The following MARF1 variants were observed in gnomAD, a reference collection of about 807,000 sequenced individuals.
The protein encoded by MARF1 is meiosis regulator and mRNA stability factor 1.
In MARF1, 24 loss-of-function variants were observed where a neutral mutation model predicts 168.2. That is an observed-to-expected ratio of 0.14 (90% CI 0.10 to 0.20). The LOEUF is 0.20. MARF1 is among the 10% of genes least tolerant of loss of function. The pLI, the probability that MARF1 is intolerant of heterozygous loss-of-function variation, is 1.00. For synonymous variants in MARF1, 868 were observed against 822.4 expected, an observed-to-expected ratio of 1.06 and a Z score of -0.95; for missense variants, 1,744 against 2,143.6, an observed-to-expected ratio of 0.81 and a Z score of 3.68.
At chr16:15,604,528 T>C (rs1045062243) in intron 21 of MARF1, 130 bp from the exon 22 acceptor site, 2 of 643,104 alleles carry the variant, frequency 3.1e-6, no homozygotes, top group African/African-American at 1.8e-5. Flanking sequence ...TCTCTTACAC[T>C]GAAATAAAGC....
At chr16:15,635,631 A>G (rs1287829820) in intron 3 of MARF1, 25 bp downstream of exon 3, 4 of 1,597,768 alleles carry the variant, frequency 2.5e-6, no homozygotes, top group East Asian at 4.5e-5. Context: ...GCTGCACCCA[A>G]CTTAAGAAAT....
In MARF1 at chr16:15,639,201, G is replaced by C. The variant is rs1042045055; in HGVS notation, c.33C>G (p.Cys11Trp). 25 of 1,614,052 alleles carry C rather than the reference G, an allele frequency of 1.5e-5. 1 individual carries two copies. Among genetic ancestry groups the C allele is most frequent in the Non-Finnish European group, 2.1e-5 (25 of 1,179,980 alleles). MMEGNGTENS[C>W]SRTRGWLQQD... ...GTTGAAGCCATCCACGTGTTCTACT[G>C]CAGGAGTTCTCAGTTCCGTTTCCTT... The change falls in exon 2 of 27, where the codon TGC becomes TGG. Residue 11 changes from cysteine (C) to tryptophan (W), a missense_variant. Coordinates refer to ENST00000396368, the MANE Select transcript of MARF1 (RefSeq NM_014647.4).
intron 21 of MARF1, chr16:15,606,093 A>C (rs1207395481): frequency 6.6e-6 from 1 of 152,262 alleles, no homozygotes; most frequent in Non-Finnish European, 1.5e-5. Flanking sequence ...AAACCTCCTG[A>C]GCATCCCACT....
intron 5 of MARF1, 126 bp from the exon 6 acceptor site, chr16:15,631,624 C>A: frequency 1.9e-6 from 1 of 539,726 alleles, no homozygotes; most frequent in Non-Finnish European, 3.2e-6. Flanking sequence ...ATGTGCAGAA[C>A]GTGCAGGTTT....
chr16:15,617,267 G>T, intron 14 of MARF1, 32 bp downstream of exon 14: 2 of 1,610,214 alleles, frequency 1.2e-6, no homozygotes, highest in Non-Finnish European at 1.7e-6. Flanking sequence ...TTATAGAAAA[G>T]AATTACTTCT....
At chr16:15,603,971 G>A (rs2032773363) in intron 22 of MARF1, among the ~76,000 whole-genome samples, 197 bp downstream of exon 22, 1 of 152,112 alleles carries the variant, frequency 6.6e-6, no homozygotes, top group South Asian at 2.1e-4. Flanking sequence ...AGGATGAGGA[G>A]ACCAGGCTTT....
chr16:15,599,635 A>G (rs538879672), intron 25 of MARF1, among the ~76,000 whole-genome samples: 10 of 152,340 alleles, frequency 6.6e-5, no homozygotes, highest in African/African-American at 1.4e-4. Flanking sequence ...ATTCTCACCT[A>G]TAACGATGAA....
chr16:15,624,628 G>T lies in MARF1; in HGVS notation c.2270+141C>A, dbSNP rs1274925861. On this transcript the variant is annotated intron_variant, in intron 10 of 26. Transcript: ENST00000396368. ...TAAATGTTAACGATGATTACCTGAG[G>T]AGAGGGGGACTGGCAGAAGAGTGAT... 7 of 747,222 alleles carry T rather than the reference G, an allele frequency of 9.4e-6. No individual in the cohort carries two copies. In the East Asian group the frequency reaches 1.2e-4, roughly 13 times the overall value. 46.3% of individuals were successfully genotyped at this position (747,222 alleles called of 1,614,324 possible).
intron 7 of MARF1, among the ~76,000 whole-genome samples, chr16:15,626,394 T>C (rs1295564019): frequency 6.6e-6 from 1 of 152,186 alleles, no homozygotes; most frequent in Non-Finnish European, 1.5e-5. Context: ...CTCAACGAAG[T>C]TGTTTTTTAA....
intron 7 of MARF1, among the ~76,000 whole-genome samples, chr16:15,628,031 G>C (rs553160596): frequency 6.6e-6 from 1 of 152,084 alleles, no homozygotes; most frequent in Non-Finnish European, 1.5e-5. Flanking sequence ...GCTGGAAATG[G>C]TAAAAAACAA....
chr16:15,607,251 A>G (rs2033096168), intron 21 of MARF1, among the ~76,000 whole-genome samples: 1 of 152,108 alleles, frequency 6.6e-6, no homozygotes, highest in Non-Finnish European at 1.5e-5. Flanking sequence ...AGTCCAATAC[A>G]TTAAAAAACA....
intron 11 of MARF1, among the ~76,000 whole-genome samples, chr16:15,622,623 T>C (rs1370484942): frequency 6.6e-6 from 1 of 152,184 alleles, no homozygotes; most frequent in Non-Finnish European, 1.5e-5. Flanking sequence ...CCTCAGGTGA[T>C]CTGGCCGCCT....
rs963634988 is a variant in MARF1, at chr16:15,595,682, C to T, written c.*1011G>A. The T allele has an allele frequency of 6.6e-6, 1 of 152,210 alleles. No homozygotes were observed. The highest frequency in any genetic ancestry group is 1.5e-5 in the Non-Finnish European group (1 of 68,038). The allele number at this position is 152,210 out of a possible 1,614,324, so 9.4% of individuals were successfully genotyped here. A position where few individuals can be genotyped will look rare whatever the true frequency, so the allele number is the denominator to read the frequency against. ...AAAGCTTCCCAGCTACCGATACCAG[C>T]TTTAAAATTACAATAACAAGGTTAA... On this transcript the variant is annotated 3_prime_UTR_variant, in exon 27 of 27. Coordinates refer to ENST00000396368, the MANE Select transcript of MARF1 (RefSeq NM_014647.4).
intron 25 of MARF1, 64 bp from the exon 26 acceptor site, chr16:15,599,088 G>T (rs2032094244): frequency 4.1e-6 from 6 of 1,472,054 alleles, no homozygotes; most frequent in Non-Finnish European, 5.6e-6. Flanking sequence ...CACACACCCT[G>T]GGCTCACACC....
rs537789575 is a variant in MARF1 at position 15,642,312 on chromosome 16, ATGTTTT to A, written c.-59+700_-59+705del. The A allele has an allele frequency of 2.6e-3, 398 of 152,248 alleles. 5 individuals carry two copies. The highest frequency in any genetic ancestry group is 8.9e-3 in the African/African-American group (370 of 41,542). The allele number at this position is 152,248 out of a possible 1,614,324, so 9.4% of individuals were successfully genotyped here. Reference sequence around the variant, plus strand: ...TATAAACTCCATGACAGCAGAGACTATGTTTTCTTATCCACTATTCCAACTCCTGTC... The same window carrying A: ...TATAAACTCCATGACAGCAGAGACTACTTATCCACTATTCCAACTCCTGTC... On this transcript the variant is annotated intron_variant, in intron 1 of 26. Coordinates refer to ENST00000396368, the MANE Select transcript of MARF1 (RefSeq NM_014647.4).
At chr16:15,612,334 C>A (rs1596460749) in intron 17 of MARF1, among the ~76,000 whole-genome samples, 1 of 152,218 alleles carries the variant, frequency 6.6e-6, no homozygotes, top group Non-Finnish European at 1.5e-5. Context: ...GGAAAATACT[C>A]CTCAGTCCTC....
At position 15,596,763 on chromosome 16, in the gene MARF1, G is replaced by A. The variant is rs2031731229; in HGVS notation, c.5159C>T (p.Ala1720Val). The part of the protein sequence containing the change: ...LLSKDPVESP[A>V]KKQPKNRVKL... ...GACTCTATTTTTGGGTTGCTTTTTG[G>A]CCGGGCTTTCCACGGGGTCCTTGCT... The change falls in exon 27 of 27, where the codon GCC becomes GTC. Residue 1720 changes from alanine (A) to valine (V), a missense_variant. Ala to Val is a moderately conservative substitution (Grantham distance 64, BLOSUM62 0). Transcript: ENST00000396368. 1 of 1,611,946 alleles carries A rather than the reference G, an allele frequency of 6.2e-7. No homozygotes were observed. The highest frequency in any genetic ancestry group is 8.5e-7 in the Non-Finnish European group (1 of 1,178,546).
intron 21 of MARF1, among the ~76,000 whole-genome samples, chr16:15,605,412 G>C (rs72770194): frequency 0.01 from 1,574 of 152,232 alleles, 9 homozygotes; most frequent in Non-Finnish European, 0.017. Context: ...CATGTGCCCA[G>C]AGCCAAGGCA....
chr16:15,620,583 G>C, intron 12 of MARF1, 52 bp from the exon 13 acceptor site: 1 of 1,192,984 alleles, frequency 8.4e-7, no homozygotes, highest in Non-Finnish European at 1.2e-6. Flanking sequence ...CATATTACAA[G>C]TTATATAAAC....
Sources: gnomAD v4.1 joint callset for allele counts (sites outside exome capture counted in the v4.1 genomes callset) on GRCh38, gnomAD v4.1.1 for gene constraint, MANE v1.5 for transcripts, NCBI Gene and HGNC (gene_info 2026-07-23, HGNC 2026-07-21) for gene names.